Variants in RBM4 observed in about 807,000 individuals in gnomAD.
RBM4 encodes RNA binding motif protein 4.
RBM4 carries 7 observed loss-of-function variants against 29.5 expected under a neutral mutation model. That is an observed-to-expected ratio of 0.24 (90% CI 0.14 to 0.45). The LOEUF is 0.45. RBM4 is among the 20% of genes least tolerant of loss of function. The pLI is 1.00. For missense variants in RBM4, 387 were observed against 502.3 expected, an observed-to-expected ratio of 0.77 and a Z score of 2.19; for synonymous variants, 220 against 205.4, an observed-to-expected ratio of 1.07 and a Z score of -0.61.
intron 2 of RBM4, chr11:66,640,630 C>T (rs780036802): frequency 5.2e-5 from 9 of 172,250 alleles, no homozygotes; most frequent in Middle Eastern, 2.5e-3. Context: ...TTATATTATA[C>T]CTGTACCAAG....
chr11:66,651,228 TAC>T (rs1308750154), downstream of RBM4, among the ~76,000 whole-genome samples: 1 of 152,190 alleles, frequency 6.6e-6, no homozygotes, highest in Non-Finnish European at 1.5e-5. Context: ...TGTGTGTTCT[TAC>T]ACATGATCTC....
chr11:66,664,556 G>A (rs1368338375), intron 2 of RBM4, among the ~76,000 whole-genome samples: 2 of 152,038 alleles, frequency 1.3e-5, no homozygotes, highest in Non-Finnish European at 2.9e-5. Context: ...TGCCTCCTGG[G>A]TTCAAGTGAT....
chr11:66,646,119 T>G lies in RBM4; in HGVS notation c.*101T>G. The G allele has an allele frequency of 6.5e-7, 1 of 1,534,832 alleles. No individual in the cohort carries two copies. The highest frequency in any genetic ancestry group is 1.4e-5 in the African/African-American group (1 of 73,154). On this transcript the variant is annotated 3_prime_UTR_variant, in exon 4 of 4. Coordinates refer to ENST00000310092, the MANE Select transcript of RBM4 (RefSeq NM_002896.4). ...CATCTCCGGGACGTTCTCGGCTCTG[T>G]GCGTTCAGTCCCTCAGGAACCGTGG...
At chr11:66,664,299 G>C (rs953984903) in intron 2 of RBM4, among the ~76,000 whole-genome samples, 1 of 147,792 alleles carries the variant, frequency 6.8e-6, no homozygotes, top group Non-Finnish European at 1.5e-5. Flanking sequence ...ACAGGCACTC[G>C]CCACCACGCC....
Position 66,639,980 on chromosome 11 carries a change from C to T in RBM4, c.269C>T (p.Thr90Ile), listed in dbSNP as rs758978933. The change falls in exon 2 of 4, where the codon ACC (threonine) becomes ATC (isoleucine). Residue 90 changes from threonine to isoleucine, a missense_variant. By Grantham distance (89) the Thr-to-Ile change is moderately conservative (BLOSUM62 -1). This residue lies in a region of RBM4 where 106 missense variants were observed against 213.6 expected (regional missense o/e 0.50). Coordinates refer to ENST00000310092, the MANE Select transcript of RBM4 (RefSeq NM_002896.4). ...GTGGGCAACATCAGTCCCACCTGCA[C>T]CAATAAGGAGCTTCGAGCCAAGTTT... ...LHVGNISPTC[T>I]NKELRAKFEE... 6 of 1,614,162 alleles carry T rather than the reference C, an allele frequency of 3.7e-6. No homozygotes were observed. The highest frequency in any genetic ancestry group is 5.1e-6 in the Non-Finnish European group (6 of 1,180,044).
exon 3 of RBM4, chr11:66,666,197 A>T: frequency 1.2e-6 from 1 of 856,134 alleles, no homozygotes; most frequent in Non-Finnish European, 1.6e-6. Context: ...AATCATTCCT[A>T]GAATTCTCTA....
Position 66,639,930 on chromosome 11 carries a change from G to A in RBM4, c.219G>A (p.Lys73=). 2 of 1,614,192 alleles carry A rather than the reference G, an allele frequency of 1.2e-6. No homozygotes were observed. The highest frequency in any genetic ancestry group is 1.7e-6 in the Non-Finnish European group (2 of 1,180,038). The change falls in exon 2 of 4, where the codon AAG becomes AAA. Residue 73 remains lysine, a synonymous_variant. Coordinates refer to ENST00000310092, the MANE Select transcript of RBM4 (RefSeq NM_002896.4). The part of the protein sequence containing the change: ...VNINVEASKN[K]SKTSTKLHVG... Reference sequence around the variant, plus strand: ...TCAACGTGGAAGCCAGCAAGAATAAGAGCAAAACCTCAACAAAGTTGCATG... The same window carrying A: ...TCAACGTGGAAGCCAGCAAGAATAAAAGCAAAACCTCAACAAAGTTGCATG...
intron 2 of RBM4, among the ~76,000 whole-genome samples, chr11:66,657,802 C>T (rs1336920640): frequency 6.6e-6 from 1 of 151,290 alleles, no homozygotes; most frequent in Non-Finnish European, 1.5e-5. Flanking sequence ...CCGTGTTCAA[C>T]CTCCACCTCC....
chr11:66,660,446 G>A (rs1939053954), intron 2 of RBM4, among the ~76,000 whole-genome samples: 1 of 150,284 alleles, frequency 6.7e-6, no homozygotes, highest in South Asian at 2.1e-4. Context: ...TTGCCTCCTG[G>A]GTTCAAGTGA....
intron 3 of RBM4, 137 bp downstream of exon 3, chr11:66,644,277 A>G (rs1938594005): frequency 1.6e-6 from 2 of 1,235,890 alleles, no homozygotes; most frequent in Non-Finnish European, 2.2e-6. Context: ...CACAGGCTAG[A>G]GAGAAGTCCT....
intron 2 of RBM4, chr11:66,665,752 T>C (rs962281830): frequency 7.7e-7 from 1 of 1,291,260 alleles, no homozygotes; most frequent in Non-Finnish European, 1.1e-6. Flanking sequence ...AGTCTATCAA[T>C]AGCTATATAT....
chr11:66,665,881 C>T, exon 3 of RBM4: 1 of 1,534,886 alleles, frequency 6.5e-7, no homozygotes, highest in Middle Eastern at 1.7e-4. Context: ...TGACAGAAGG[C>T]TACTGTTGCT....
intron 3 of RBM4, 88 bp downstream of exon 3, chr11:66,644,228 T>A (rs891554642): frequency 1.3e-6 from 2 of 1,504,810 alleles, no homozygotes; most frequent in African/African-American, 2.8e-5. Context: ...GCTTGCTTGC[T>A]TGCTTTTGCA....
chr11:66,663,551 G>C (rs1163690047), intron 2 of RBM4, among the ~76,000 whole-genome samples: 1 of 151,996 alleles, frequency 6.6e-6, no homozygotes, highest in Non-Finnish European at 1.5e-5. Flanking sequence ...TTTTAGTCTT[G>C]ATCTCCTGAC....
chr11:66,660,375 C>CA (rs1554971080), intron 2 of RBM4, among the ~76,000 whole-genome samples: 2 of 127,588 alleles, frequency 1.6e-5, no homozygotes, highest in African/African-American at 5.9e-5. Flanking sequence ...TTTTTTGAGA[C>CA]AGAGTCTTGC....
chr11:66,653,922 T>G (rs1178234539), intron 2 of RBM4, among the ~76,000 whole-genome samples: 4 of 151,434 alleles, frequency 2.6e-5, no homozygotes, highest in Non-Finnish European at 5.9e-5. Flanking sequence ...CAGGGCACAA[T>G]GGCATGCACC....
chr11:66,655,935 C>T (rs1433802508), intron 2 of RBM4, among the ~76,000 whole-genome samples: 26 of 151,808 alleles, frequency 1.7e-4, no homozygotes, highest in Admixed American at 1.7e-3. Context: ...CCAGTTTTTC[C>T]TGACTCTGGG....
intron 2 of RBM4, among the ~76,000 whole-genome samples, chr11:66,658,845 G>A (rs1310198353): frequency 6.6e-6 from 1 of 151,720 alleles, no homozygotes; most frequent in Non-Finnish European, 1.5e-5. Context: ...GCTGAGACAG[G>A]AGAATTGCTT....
Position 66,659,263 on chromosome 11 carries a change from C to CTTTTTTT in RBM4, c.413-6574_413-6568dup, listed in dbSNP as rs767959263. On this transcript the variant is annotated intron_variant, in intron 2 of 2. Coordinates refer to the RBM4 transcript ENST00000396053. ...ACCTAGCTGACATTTCTTCTTGGTT[C>CTTTTTTT]TTTTTTTTTTTTTTTTTTTTTTTTT... 2.0e-3 allele frequency among the ~76,000 whole-genome samples: 136 copies of CTTTTTTT among 67,332 alleles called. 2 individuals carry two copies. The highest frequency in any genetic ancestry group is 3.0e-3 in the Admixed American group (14 of 4,708). 44.2% of individuals were successfully genotyped at this position (67,332 alleles called of 152,430 possible). A position where few individuals can be genotyped will look rare whatever the true frequency, so the allele number is the denominator to read the frequency against.
Sources: allele counts gnomAD v4.1 joint callset (sites outside exome capture counted in the v4.1 genomes callset), GRCh38; gene constraint gnomAD v4.1.1; regional missense constraint gnomAD v4.1.1; transcripts MANE v1.5; gene names NCBI Gene and HGNC (gene_info 2026-07-23, HGNC 2026-07-21).